Variants in PTPRD observed in about 807,000 individuals in gnomAD.
PTPRD encodes protein tyrosine phosphatase receptor type D.
PTPRD carries 34 observed loss-of-function variants against 214.5 expected under a neutral mutation model. That is an observed-to-expected ratio of 0.16 (90% CI 0.12 to 0.21). The LOEUF is 0.21. Ranked by LOEUF, PTPRD falls within the 10% of genes least tolerant of loss-of-function variation. PTPRD has a pLI of 1.00. For missense variants in PTPRD, 2,545 were observed against 2,398.7 expected, an observed-to-expected ratio of 1.06 and a Z score of -1.27; for synonymous variants, 1,128 against 845.7, an observed-to-expected ratio of 1.33 and a Z score of -5.79.
chr9:9,329,638 G>C (rs899859868), intron 9 of PTPRD, among the ~76,000 whole-genome samples: 5 of 152,156 alleles, frequency 3.3e-5, no homozygotes, highest in Non-Finnish European at 7.3e-5. Context: ...GTCCCAAGGA[G>C]GGAGCTAGAG....
chr9:9,133,441 G>C (rs2099845911), intron 10 of PTPRD, among the ~76,000 whole-genome samples: 1 of 152,136 alleles, frequency 6.6e-6, no homozygotes, highest in South Asian at 2.1e-4. Flanking sequence ...TTTAATATAA[G>C]ATGGTCAATT....
At chr9:9,675,346 A>C (rs1231358433) in intron 7 of PTPRD, among the ~76,000 whole-genome samples, 1 of 151,876 alleles carries the variant, frequency 6.6e-6, no homozygotes, top group East Asian at 1.9e-4. Context: ...ATGCCTAAAA[A>C]TTAATCAACT....
At chr9:9,306,362 GGGACC>G (rs1957121854) in intron 9 of PTPRD, among the ~76,000 whole-genome samples, 1 of 151,526 alleles carries the variant, frequency 6.6e-6, no homozygotes. Flanking sequence ...TCAGGAGTTT[GGGACC>G]AGCCTGGCTA....
chr9:8,448,099 T>G (rs111264440), intron 34 of PTPRD, among the ~76,000 whole-genome samples: 11,702 of 151,718 alleles, frequency 0.077, 470 homozygotes, highest in East Asian at 0.098. Context: ...CTGAGGCAGG[T>G]GAGTTGCTGG....
At chr9:9,842,772 C>G (rs965917564) in intron 5 of PTPRD, among the ~76,000 whole-genome samples, 9 of 151,658 alleles carry the variant, frequency 5.9e-5, no homozygotes, top group Non-Finnish European at 1.0e-4. Context: ...GTGGCCCACA[C>G]AGTCCACATG....
At chr9:10,178,555 A>G (rs1245493419) in intron 3 of PTPRD, among the ~76,000 whole-genome samples, 1 of 152,030 alleles carries the variant, frequency 6.6e-6, no homozygotes, top group African/African-American at 2.4e-5. Context: ...ATTTCAACAG[A>G]TGAACAGTAT....
At chr9:10,446,218 A>G (rs990049666) in intron 2 of PTPRD, among the ~76,000 whole-genome samples, 1 of 152,026 alleles carries the variant, frequency 6.6e-6, no homozygotes, top group African/African-American at 2.4e-5. Flanking sequence ...GTCATATTTG[A>G]CAGCTTTGAC....
At chr9:9,676,804 T>C (rs1483822656) in intron 7 of PTPRD, among the ~76,000 whole-genome samples, 1 of 152,168 alleles carries the variant, frequency 6.6e-6, no homozygotes, top group Admixed American at 6.6e-5. Context: ...CCTGACTTTT[T>C]AATGATCGCC....
intron 9 of PTPRD, among the ~76,000 whole-genome samples, chr9:9,188,143 T>C (rs943618661): frequency 1.3e-5 from 2 of 152,060 alleles, no homozygotes; most frequent in Admixed American, 6.6e-5. Context: ...GAACGTTATG[T>C]AAATGTAATC....
At chr9:8,346,579 G>A (rs537301712) in intron 39 of PTPRD, among the ~76,000 whole-genome samples, 2 of 152,214 alleles carry the variant, frequency 1.3e-5, no homozygotes, top group Admixed American at 1.3e-4. Flanking sequence ...CCTTTGTCCA[G>A]TGTATCCATG....
intron 44 of PTPRD, among the ~76,000 whole-genome samples, chr9:8,322,900 C>T (rs1563906129): frequency 6.6e-6 from 1 of 152,064 alleles, no homozygotes; most frequent in Non-Finnish European, 1.5e-5. Flanking sequence ...TAAGCTGAAG[C>T]CAAAGCTCAT....
At chr9:10,177,335 A>T (rs2099254855) in intron 3 of PTPRD, among the ~76,000 whole-genome samples, 1 of 151,670 alleles carries the variant, frequency 6.6e-6, no homozygotes, top group Non-Finnish European at 1.5e-5. Context: ...GGCACAGATG[A>T]AGAGGACAAG....
intron 5 of PTPRD, among the ~76,000 whole-genome samples, chr9:9,914,088 G>C (rs190003714): frequency 4.6e-5 from 7 of 152,280 alleles, no homozygotes; most frequent in Non-Finnish European, 1.0e-4. Flanking sequence ...TAATCTTACA[G>C]TCCTGCCTTG....
At chr9:9,588,376 G>GTCAT (rs1009999806) in intron 7 of PTPRD, among the ~76,000 whole-genome samples, 17 of 151,906 alleles carry the variant, frequency 1.1e-4, no homozygotes, top group Non-Finnish European at 1.9e-4. Flanking sequence ...ATTTAGATTG[G>GTCAT]TCATTCAAAC....
At chr9:9,755,044 C>A (rs1264393442) in intron 6 of PTPRD, among the ~76,000 whole-genome samples, 1 of 151,934 alleles carries the variant, frequency 6.6e-6, no homozygotes, top group Non-Finnish European at 1.5e-5. Flanking sequence ...GAGCCACAGA[C>A]CCCATTCTGG....
chr9:10,512,346 G>A (rs746862703), intron 2 of PTPRD, among the ~76,000 whole-genome samples: 1 of 151,752 alleles, frequency 6.6e-6, no homozygotes, highest in African/African-American at 2.4e-5. Flanking sequence ...AATGAATGAC[G>A]CAATAATCAT....
chr9:9,790,536 CTAAT>C (rs1317139360), intron 5 of PTPRD, among the ~76,000 whole-genome samples: 2 of 152,136 alleles, frequency 1.3e-5, no homozygotes, highest in African/African-American at 4.8e-5. Context: ...TATTCTGTTG[CTAAT>C]TAAACAATCT....
chr9:9,740,340 C>A (rs1001745031), intron 6 of PTPRD, among the ~76,000 whole-genome samples: 3 of 150,574 alleles, frequency 2.0e-5, no homozygotes, highest in African/African-American at 7.4e-5. Context: ...GAAGTTGTTC[C>A]ATTTTATCTC....
intron 2 of PTPRD, among the ~76,000 whole-genome samples, chr9:10,481,367 T>C (rs2099096820): frequency 6.6e-6 from 1 of 152,178 alleles, no homozygotes. Context: ...AATTATATGA[T>C]TCAAATTACA....
Sources: gnomAD v4.1 joint callset for allele counts (sites outside exome capture counted in the v4.1 genomes callset) on GRCh38, gnomAD v4.1.1 for gene constraint, MANE v1.5 for transcripts, NCBI Gene and HGNC (gene_info 2026-07-23, HGNC 2026-07-21) for gene names.